HMBOX1: variants seen among roughly 807,000 people sequenced by gnomAD.
The protein encoded by HMBOX1 is homeobox-containing protein 1.
HMBOX1 carries 14 observed loss-of-function variants against 54.5 expected under a neutral mutation model. The observed-to-expected ratio is 0.26, with a 90% confidence interval of 0.17 to 0.40. HMBOX1 has a LOEUF of 0.40. Ranked by LOEUF, HMBOX1 falls within the 10% of genes least tolerant of loss-of-function variation. The pLI, the probability that HMBOX1 is intolerant of heterozygous loss-of-function variation, is 1.00. For missense variants in HMBOX1, 332 were observed against 514.4 expected (o/e 0.65, Z 3.43); for synonymous variants, 160 against 181.0 (o/e 0.88, Z 0.93).
intron 1 of HMBOX1, among the ~76,000 whole-genome samples, chr8:28,963,240 T>G (rs1258903959): frequency 1.3e-5 from 2 of 152,208 alleles, no homozygotes; most frequent in African/African-American, 4.8e-5. Flanking sequence ...CGCCTCAGCC[T>G]CCTAAAGTGC....
At chr8:28,998,548 AATGT>A (rs1356700288) in intron 4 of HMBOX1, among the ~76,000 whole-genome samples, 7 of 152,060 alleles carry the variant, frequency 4.6e-5, no homozygotes, top group Non-Finnish European at 1.0e-4. Flanking sequence ...TTGAATCTGA[AATGT>A]ATCTCTTATA....
chr8:28,962,678 G>A (rs980776823), intron 1 of HMBOX1, among the ~76,000 whole-genome samples: 25 of 152,132 alleles, frequency 1.6e-4, no homozygotes, highest in African/African-American at 5.6e-4. Flanking sequence ...TCTACACCTT[G>A]ATGTTGTGGA....
At position 29,051,898 on chromosome 8, in the gene HMBOX1, TAAAAAAA is replaced by T. The variant is rs11356150; in HGVS notation, c.*757_*763del. On this transcript the variant is annotated 3_prime_UTR_variant, in exon 10 of 10. Transcript: ENST00000287701. ...AACAAAGACAAAAACCAAAAGTCAT[TAAAAAAA>T]AAAAAAAAAAAAACCCAGCTTGAGA... 8.9e-3 allele frequency: 1,172 copies of T among 131,656 alleles called. 1 individual carries two copies. Among genetic ancestry groups the T allele is most frequent in the Middle Eastern group, 0.017 (5 of 288 alleles). The allele number at this position is 131,656 out of a possible 1,614,324, so 8.2% of individuals were successfully genotyped here.
At chr8:28,934,257 C>T (rs1180082210) in intron 1 of HMBOX1, among the ~76,000 whole-genome samples, 5 of 152,218 alleles carry the variant, frequency 3.3e-5, no homozygotes, top group Admixed American at 6.5e-5. Context: ...AGACATCATT[C>T]GTAATGTAAA....
intron 4 of HMBOX1, among the ~76,000 whole-genome samples, chr8:28,987,766 A>G (rs1830378372): frequency 6.6e-6 from 1 of 152,196 alleles, no homozygotes; most frequent in Non-Finnish European, 1.5e-5. Context: ...GAGGGCCTTG[A>G]TACCTGAGAG....
At chr8:28,920,682 T>C (rs988440702) in intron 1 of HMBOX1, among the ~76,000 whole-genome samples, 1 of 152,228 alleles carries the variant, frequency 6.6e-6, no homozygotes, top group African/African-American at 2.4e-5. Flanking sequence ...CCAAGAAGTA[T>C]GATTGTTGCC....
At chr8:29,010,663 A>G (rs1834106728) in intron 5 of HMBOX1, among the ~76,000 whole-genome samples, 2 of 152,012 alleles carry the variant, frequency 1.3e-5, no homozygotes. Flanking sequence ...TCCTAAGAAT[A>G]AAGATAATCT....
rs767993046 is a variant in HMBOX1 at position 28,970,404 on chromosome 8, A to G, written c.385A>G (p.Asn129Asp). Reference sequence around the variant, plus strand: ...GAATAATGAGCGATTATCTACATCCAATGGAAAGATGTCACCAACTCGCTA... The same window carrying G: ...GAATAATGAGCGATTATCTACATCCGATGGAAAGATGTCACCAACTCGCTA... The part of the protein sequence containing the change: ...RENNERLSTS[N>D]GKMSPTRYHA... Residue 129 changes from asparagine to aspartate, a missense_variant, in exon 3 of 10, where the codon AAT becomes GAT. Asn to Asp is a conservative substitution (Grantham distance 23, BLOSUM62 1). This residue lies in a region of HMBOX1 where 146 missense variants were observed against 173.3 expected (regional missense o/e 0.84). Coordinates refer to ENST00000287701, the MANE Select transcript of HMBOX1 (RefSeq NM_001135726.3). The surrounding 1 kb of genome is among the most constrained non-coding windows in gnomAD (Gnocchi z 4.3). 3 of 1,614,174 alleles carry G rather than the reference A, an allele frequency of 1.9e-6. No individual in the cohort carries two copies. Among genetic ancestry groups the G allele is most frequent in the Non-Finnish European group, 2.5e-6 (3 of 1,179,976 alleles).
chr8:29,049,395 G>A (rs1376051916), intron 9 of HMBOX1: 1 of 1,534,228 alleles, frequency 6.5e-7, no homozygotes, highest in East Asian at 2.4e-5. Context: ...ATCCAAACAA[G>A]CAAGTTACAC....
In HMBOX1 at chr8:28,994,306, G is replaced by A. The variant is rs562342626; in HGVS notation, c.586+14150G>A. On this transcript the variant is annotated intron_variant, in intron 4 of 9. Coordinates refer to ENST00000287701, the MANE Select transcript of HMBOX1 (RefSeq NM_001135726.3). ...GTCAGATAAATGTATTAGTTGTACA[G>A]GATAGAGTTCATTAATAGATCCTTG... is the stretch of plus-strand genomic sequence containing the variant. Among the ~76,000 whole-genome samples, 226 of 152,238 alleles carry A rather than the reference G, an allele frequency of 1.5e-3. 1 individual carries two copies. The highest frequency in any genetic ancestry group is 0.01 in the Middle Eastern group (3 of 294).
At chr8:28,896,534 G>A (rs1241160121) in intron 1 of HMBOX1, among the ~76,000 whole-genome samples, 1 of 148,736 alleles carries the variant, frequency 6.7e-6, no homozygotes, top group Admixed American at 6.7e-5. Context: ...TTCACTCTTT[G>A]CCTTATGTAA....
intron 1 of HMBOX1, among the ~76,000 whole-genome samples, chr8:28,912,044 CA>C (rs1815545708): frequency 6.6e-6 from 1 of 152,144 alleles, no homozygotes; most frequent in African/African-American, 2.4e-5. Flanking sequence ...ATCATCTAAC[CA>C]AAGGCTATTT....
Position 29,049,149 on chromosome 8 carries a change from A to T in HMBOX1, c.1125+101A>T, listed in dbSNP as rs572363283. ...TGTGGCTGATGGGGTGGGGGAGGGG[A>T]AACAGTCACTGTCCCTCCACTCTGC... On this transcript the variant is annotated intron_variant, in intron 9 of 9. Coordinates refer to ENST00000287701, the MANE Select transcript of HMBOX1 (RefSeq NM_001135726.3). 102 of 1,462,498 alleles carry T rather than the reference A, an allele frequency of 7.0e-5. 1 individual carries two copies. The Admixed American group carries it at 7.9e-4, about 11-fold the overall frequency. The allele number at this position is 1,462,498 out of a possible 1,614,324, so 90.6% of individuals were successfully genotyped here.
chr8:29,010,042 G>A (rs1563575305), intron 5 of HMBOX1: 3 of 984,596 alleles, frequency 3.0e-6, no homozygotes, highest in Non-Finnish European at 2.4e-6. Context: ...TCATAGAGAT[G>A]TATTTTTGTG....
At chr8:28,915,817 C>T (rs886860259) in intron 1 of HMBOX1, 1 of 152,046 alleles carries the variant, frequency 6.6e-6, no homozygotes, top group African/African-American at 2.4e-5. Flanking sequence ...CCTCTTGTCT[C>T]AGCCTCCTGA....
At chr8:29,046,885 G>A (rs1805642250) in intron 7 of HMBOX1, among the ~76,000 whole-genome samples, 1 of 152,208 alleles carries the variant, frequency 6.6e-6, no homozygotes, top group Admixed American at 6.5e-5. Context: ...GGGGGGCTGA[G>A]GTGGGAGGAG....
intron 1 of HMBOX1, among the ~76,000 whole-genome samples, chr8:28,935,787 A>G (rs1433423241): frequency 1.3e-5 from 2 of 152,120 alleles, no homozygotes; most frequent in Non-Finnish European, 2.9e-5. Flanking sequence ...TCGCGGCTTT[A>G]TTTTGCAATG....
At chr8:28,957,975 A>G (rs2132207800) in intron 1 of HMBOX1, among the ~76,000 whole-genome samples, 1 of 152,270 alleles carries the variant, frequency 6.6e-6, no homozygotes, top group South Asian at 2.1e-4. Context: ...TTCTTTCTCA[A>G]TATAGTTATT....
chr8:28,990,122 A>G (rs1205433611), intron 4 of HMBOX1, among the ~76,000 whole-genome samples: 1 of 152,120 alleles, frequency 6.6e-6, no homozygotes, highest in East Asian at 1.9e-4. Flanking sequence ...CAATCATGTT[A>G]TCTGTGAATA....
Sources: allele counts gnomAD v4.1 joint callset (sites outside exome capture counted in the v4.1 genomes callset), GRCh38; gene constraint gnomAD v4.1.1; regional missense constraint gnomAD v4.1.1; non-coding constraint Gnocchi (gnomAD v3.1); transcripts MANE v1.5; gene names NCBI Gene and HGNC (gene_info 2026-07-23, HGNC 2026-07-21).